Variants in DSCAM observed in about 807,000 individuals in gnomAD.
The protein encoded by DSCAM is DS cell adhesion molecule, also known as cell adhesion molecule DSCAM.
DSCAM carries 47 observed loss-of-function variants against 217.7 expected under a neutral mutation model. The ratio of observed to expected loss-of-function variants is 0.22; its 90% CI spans 0.17 to 0.28. The LOEUF is 0.28. Ranked by LOEUF, DSCAM falls within the 10% of genes least tolerant of loss-of-function variation. The pLI is 1.00. For synonymous variants in DSCAM, 1,056 were observed against 1,015.3 expected, an observed-to-expected ratio of 1.04 and a Z score of -0.76; for missense variants, 2,080 against 2,618.3, an observed-to-expected ratio of 0.79 and a Z score of 4.49.
intron 3 of DSCAM, among the ~76,000 whole-genome samples, chr21:40,543,542 C>G (rs1331778148): frequency 6.6e-6 from 1 of 152,036 alleles, no homozygotes; most frequent in Non-Finnish European, 1.5e-5. Flanking sequence ...CTTCTTCACA[C>G]CTTTATTCAT....
chr21:40,053,010 G>A (rs1034154620), intron 29 of DSCAM, among the ~76,000 whole-genome samples: 1 of 152,184 alleles, frequency 6.6e-6, no homozygotes, highest in East Asian at 1.9e-4. Context: ...TTCAAAGATT[G>A]CAGCCCAGGA....
chr21:40,766,502 T>C (rs1264015135), intron 1 of DSCAM, among the ~76,000 whole-genome samples: 1 of 151,852 alleles, frequency 6.6e-6, no homozygotes, highest in African/African-American at 2.4e-5. Context: ...TACAAAGTAG[T>C]TATTTCACAT....
At position 40,821,510 on chromosome 21, in the gene DSCAM, C is replaced by T. The variant is rs1054174043; in HGVS notation, c.43+25109G>A. Among the ~76,000 whole-genome samples the T allele has an allele frequency of 3.3e-5, 5 of 152,178 alleles. No individual in the cohort carries two copies. The East Asian group carries it at 9.6e-4, about 29-fold the overall frequency. On this transcript the variant is annotated intron_variant, in intron 1 of 32. Transcript: ENST00000400454. ...CTAGGATTCTGTGGCAACAGCTTCA[C>T]TTCCATAAAGCCCTCCCGAAGTACA...
chr21:40,536,235 G>T (rs2076495157), intron 3 of DSCAM, among the ~76,000 whole-genome samples: 1 of 152,104 alleles, frequency 6.6e-6, no homozygotes, highest in South Asian at 2.1e-4. Flanking sequence ...GTTGAGTTGT[G>T]ACCCCCTAAA....
At chr21:40,771,780 C>T (rs975787406) in intron 1 of DSCAM, among the ~76,000 whole-genome samples, 6 of 152,210 alleles carry the variant, frequency 3.9e-5, no homozygotes, top group African/African-American at 1.4e-4. Context: ...GTTACAGCCT[C>T]AAAACCTGTT....
intron 11 of DSCAM, among the ~76,000 whole-genome samples, chr21:40,225,656 C>A (rs429380): frequency 0.97 from 148,212 of 152,182 alleles, 72,232 homozygotes; most frequent in Middle Eastern, 0.99. Flanking sequence ...TGTTGATAAA[C>A]GTCTCTATAT....
rs556316840 is a variant in DSCAM, at chr21:40,291,169, T to C, written c.2182+4886A>G. On this transcript the variant is annotated intron_variant, in intron 10 of 32. Transcript: ENST00000400454. ...ATAGTATGTCCATCACTCAAAGACA[T>C]TCAGAATCCATTTGTCCCTCCTCCA... 5.9e-5 allele frequency among the ~76,000 whole-genome samples: 9 copies of C among 152,270 alleles called. No homozygotes were observed. In the South Asian group the frequency reaches 1.9e-3, roughly 32 times the overall value.
intron 3 of DSCAM, among the ~76,000 whole-genome samples, chr21:40,486,656 C>T (rs1235654177): frequency 6.6e-6 from 1 of 152,126 alleles, no homozygotes; most frequent in East Asian, 1.9e-4. Flanking sequence ...GAAGTGCACA[C>T]AGACCTTAAT....
intron 9 of DSCAM, among the ~76,000 whole-genome samples, chr21:40,303,122 A>T (rs1008404117): frequency 3.9e-5 from 6 of 152,160 alleles, no homozygotes; most frequent in African/African-American, 1.4e-4. Flanking sequence ...ACTTGGTGAC[A>T]TTTAGTTGAG....
chr21:40,504,622 T>C (rs2076196133), intron 3 of DSCAM, among the ~76,000 whole-genome samples: 1 of 152,152 alleles, frequency 6.6e-6, no homozygotes, highest in South Asian at 2.1e-4. Context: ...GCTCAAATAA[T>C]GCGTGACACA....
chr21:40,512,264 C>A (rs2076265451), intron 3 of DSCAM, among the ~76,000 whole-genome samples: 1 of 152,094 alleles, frequency 6.6e-6, no homozygotes, highest in Non-Finnish European at 1.5e-5. Flanking sequence ...AGTCTATTTT[C>A]TTTCATATCT....
intron 8 of DSCAM, among the ~76,000 whole-genome samples, chr21:40,317,684 T>C (rs1294354409): frequency 6.6e-6 from 1 of 152,024 alleles, no homozygotes; most frequent in Non-Finnish European, 1.5e-5. Context: ...CACACGCCAC[T>C]AGGCTTGGCT....
chr21:40,644,965 C>A (rs1056194309), intron 3 of DSCAM, among the ~76,000 whole-genome samples: 1 of 152,128 alleles, frequency 6.6e-6, no homozygotes, highest in African/African-American at 2.4e-5. Flanking sequence ...CACTCATACC[C>A]TTCTACCAAA....
At chr21:40,635,927 G>A (rs960204881) in intron 3 of DSCAM, among the ~76,000 whole-genome samples, 3 of 152,012 alleles carry the variant, frequency 2.0e-5, no homozygotes, top group Non-Finnish European at 2.9e-5. Flanking sequence ...TTTTTCTTAA[G>A]GCATTTTAAA....
At chr21:40,132,529 C>A (rs749525877) in intron 19 of DSCAM, among the ~76,000 whole-genome samples, 1 of 152,202 alleles carries the variant, frequency 6.6e-6, no homozygotes. Context: ...CTGACACCTG[C>A]ACATTCCCTG....
At chr21:40,063,832 G>A (rs1050885090) in intron 27 of DSCAM, among the ~76,000 whole-genome samples, 1 of 152,150 alleles carries the variant, frequency 6.6e-6, no homozygotes, top group Non-Finnish European at 1.5e-5. Context: ...TCTGAAAGAC[G>A]TGGACAGTCA....
Position 40,186,141 on chromosome 21 carries a change from C to A in DSCAM, c.2779+990G>T, listed in dbSNP as rs540875366. Among the ~76,000 whole-genome samples, 114 of 152,256 alleles carry A rather than the reference C, an allele frequency of 7.5e-4. 1 individual carries two copies. Among genetic ancestry groups the A allele is most frequent in the African/African-American group, 2.7e-3 (112 of 41,546 alleles). ...TTCTCCTGAATTCCCGAAGAGTCACCCCTCGGCTTGCCTTTGCAGTCACCA... is the reference window on the plus strand; with the variant it reads ...TTCTCCTGAATTCCCGAAGAGTCACACCTCGGCTTGCCTTTGCAGTCACCA... On this transcript the variant is annotated intron_variant, in intron 14 of 32. Coordinates refer to ENST00000400454, the MANE Select transcript of DSCAM (RefSeq NM_001389.5).
chr21:40,512,494 TAGGAGAAGTGGGAG>T (rs577210408), intron 3 of DSCAM, among the ~76,000 whole-genome samples: 386 of 152,182 alleles, frequency 2.5e-3, no homozygotes, highest in Non-Finnish European at 4.3e-3. Flanking sequence ...TCAAAGCCTG[TAGGAGAAGTGGGAG>T]AGGAGAGAGT....
intron 9 of DSCAM, among the ~76,000 whole-genome samples, chr21:40,300,536 C>T (rs1537110): frequency 2.6e-5 from 4 of 152,022 alleles, no homozygotes; most frequent in African/African-American, 4.8e-5. Flanking sequence ...TAAGGGGATG[C>T]GGCCCTCTCT....
Sources: allele counts gnomAD v4.1 joint callset (sites outside exome capture counted in the v4.1 genomes callset), GRCh38; gene constraint gnomAD v4.1.1; transcripts MANE v1.5; gene names NCBI Gene and HGNC (gene_info 2026-07-23, HGNC 2026-07-21).